BPTF: variants seen among roughly 807,000 people sequenced by gnomAD.
BPTF encodes the protein nucleosome-remodeling factor subunit BPTF.
Under a neutral mutation model 292.5 loss-of-function variants are expected in BPTF, and 18 were observed. That is an observed-to-expected ratio of 0.06 (90% CI 0.04 to 0.09). The LOEUF is 0.09. Among genes scored for constraint, BPTF ranks in the 10% least tolerant of loss-of-function variants. The pLI, the probability that BPTF is intolerant of heterozygous loss-of-function variation, is 1.00. For synonymous variants in BPTF, 1,225 were observed against 1,251.9 expected (o/e 0.98, Z 0.45); for missense variants, 2,726 against 3,498.7 (o/e 0.78, Z 5.57).
intron 23 of BPTF, among the ~76,000 whole-genome samples, chr17:67,949,947 G>C (rs2066157363): frequency 6.6e-6 from 1 of 150,700 alleles, no homozygotes; most frequent in African/African-American, 2.4e-5. Flanking sequence ...CAGCTAGTTA[G>C]GAGTCTGAGG....
At chr17:67,935,999 CAGA>C (rs150644470) in intron 18 of BPTF, among the ~76,000 whole-genome samples, 2,789 of 152,184 alleles carry the variant, frequency 0.018, 93 homozygotes, top group African/African-American at 0.064. Flanking sequence ...GACATATCAA[CAGA>C]AGAAATTTGA....
At chr17:67,937,655 G>C (rs563799808) in intron 18 of BPTF, among the ~76,000 whole-genome samples, 21 of 150,352 alleles carry the variant, frequency 1.4e-4, no homozygotes, top group African/African-American at 5.1e-4. Context: ...ACATTGAAGG[G>C]ATGGGTAGCC....
chr17:67,886,016 T>G, intron 4 of BPTF: 1 of 840,728 alleles, frequency 1.2e-6, no homozygotes, highest in Non-Finnish European at 1.9e-6. Flanking sequence ...TGAACAGATT[T>G]TCTTTTAAAA....
chr17:67,853,446 A>C (rs955394879), intron 1 of BPTF, among the ~76,000 whole-genome samples: 1 of 152,164 alleles, frequency 6.6e-6, no homozygotes, highest in Non-Finnish European at 1.5e-5. Context: ...AGAGGTCTGC[A>C]CTGGGAACTT....
rs535066742 is a variant in BPTF at position 67,845,371 on chromosome 17, CTA to C, written c.614-8567_614-8566del. ...ATTGCAAATGGTGACTTCTCTATTT[CTA>C]TCATTTCTTTGTTAATTATCTGGCA... is the stretch of plus-strand genomic sequence containing the variant. On this transcript the variant is annotated intron_variant, in intron 1 of 27. Coordinates refer to ENST00000306378, the MANE Select transcript of BPTF (RefSeq NM_182641.4). 1.5e-4 allele frequency among the ~76,000 whole-genome samples: 23 copies of C among 152,314 alleles called. 1 individual carries two copies. In the East Asian group the frequency reaches 4.4e-3, roughly 29 times the overall value.
Position 67,912,718 on chromosome 17 carries a change from A to T in BPTF, c.4834A>T (p.Thr1612Ser). Reference sequence around the variant, plus strand: ...CAAGGTAGAAAAAGGCGATAAGCAAACTGTGGTTTCTTCCACAGAAAATTG... The same window carrying T: ...CAAGGTAGAAAAAGGCGATAAGCAATCTGTGGTTTCTTCCACAGAAAATTG... ...VIKVEKGDKQ[T>S]VVSSTENCAK... Residue 1612 changes from threonine to serine, a missense_variant, in exon 11 of 28, where the codon ACT (threonine) becomes TCT (serine). By Grantham distance (58) the Thr-to-Ser change is moderately conservative. This residue lies in a region of BPTF where 144 missense variants were observed against 177.2 expected (regional missense o/e 0.81). Transcript: ENST00000306378. 1 of 1,614,094 alleles carries T rather than the reference A, an allele frequency of 6.2e-7. No individual in the cohort carries two copies. Among genetic ancestry groups the T allele is most frequent in the South Asian group, 1.1e-5 (1 of 91,088 alleles).
intron 3 of BPTF, among the ~76,000 whole-genome samples, chr17:67,870,993 G>A (rs1306690657): frequency 1.3e-5 from 2 of 151,350 alleles, no homozygotes; most frequent in Non-Finnish European, 2.9e-5. Flanking sequence ...GGATGGTCTC[G>A]ATCTCCTGAC....
chr17:67,870,319 T>A (rs2059645777), intron 3 of BPTF, among the ~76,000 whole-genome samples: 1 of 151,486 alleles, frequency 6.6e-6, no homozygotes, highest in Admixed American at 6.6e-5. Flanking sequence ...GGAGGAGGGA[T>A]TCACAAGAAT....
intron 9 of BPTF, 30 bp from the exon 10 acceptor site, chr17:67,909,552 C>T (rs754055733): frequency 7.8e-6 from 11 of 1,417,818 alleles, no homozygotes; most frequent in Middle Eastern, 2.4e-4. Flanking sequence ...CTGGAAATAA[C>T]GTAAATTATC....
At chr17:67,827,419 C>G (rs1567845055) in intron 1 of BPTF, among the ~76,000 whole-genome samples, 1 of 152,126 alleles carries the variant, frequency 6.6e-6, no homozygotes, top group Non-Finnish European at 1.5e-5. Flanking sequence ...ACCCCCGGCC[C>G]CCCGCAAAAG....
At position 67,909,708 on chromosome 17, in the gene BPTF, G is replaced by T; in HGVS notation, c.2939G>T (p.Gly980Val). The T allele has an allele frequency of 6.3e-7, 1 of 1,594,494 alleles. No individual in the cohort carries two copies. The highest frequency in any genetic ancestry group is 1.2e-5 in the South Asian group (1 of 85,240). ...GTAAAAGGTTCAGATGCTGCAAAAG[G>T]AGCAGACCAAAATGAAATGGATATC... The part of the protein sequence containing the change: ...DEVKGSDAAK[G>V]ADQNEMDISK... Residue 980 changes from glycine to valine, a missense_variant, in exon 10 of 28, where the codon GGA becomes GTA. Physicochemically the swap from Gly to Val is moderately radical, Grantham distance 109. Coordinates refer to ENST00000306378, the MANE Select transcript of BPTF (RefSeq NM_182641.4).
At chr17:67,921,441 A>G (rs896076586) in intron 13 of BPTF, among the ~76,000 whole-genome samples, 1 of 151,562 alleles carries the variant, frequency 6.6e-6, no homozygotes, top group Non-Finnish European at 1.5e-5. Context: ...CGGGAGAATC[A>G]CTTATACCCA....
chr17:67,903,313 C>CT (rs1395112789), intron 7 of BPTF, among the ~76,000 whole-genome samples: 1 of 152,184 alleles, frequency 6.6e-6, no homozygotes, highest in Non-Finnish European at 1.5e-5. Context: ...ACAAAGTATT[C>CT]TTTAACAGTG....
At chr17:67,843,675 A>G (rs1163186545) in intron 1 of BPTF, among the ~76,000 whole-genome samples, 3 of 148,648 alleles carry the variant, frequency 2.0e-5, no homozygotes, top group Non-Finnish European at 1.5e-5. Flanking sequence ...CACCTTTACT[A>G]TAGAGCAGTT....
intron 1 of BPTF, among the ~76,000 whole-genome samples, chr17:67,839,761 A>G (rs1262516292): frequency 1.3e-5 from 2 of 152,184 alleles, no homozygotes; most frequent in Admixed American, 6.5e-5. Flanking sequence ...AAACGTTTCC[A>G]TAATGGTTTT....
At chr17:67,949,574 CAA>C (rs546531290) in intron 23 of BPTF, among the ~76,000 whole-genome samples, 2 of 129,308 alleles carry the variant, frequency 1.5e-5, no homozygotes, top group Non-Finnish European at 3.3e-5. Context: ...GACTCCATCT[CAA>C]AAAAAAAAAA....
chr17:67,978,658 C>T (rs1778162384), intron 27 of BPTF, among the ~76,000 whole-genome samples: 1 of 152,112 alleles, frequency 6.6e-6, no homozygotes, highest in African/African-American at 2.4e-5. Context: ...GAGAATTACT[C>T]TGACCCAAGA....
intron 18 of BPTF, among the ~76,000 whole-genome samples, chr17:67,933,199 A>G (rs2064565125): frequency 6.6e-6 from 1 of 151,816 alleles, no homozygotes; most frequent in Non-Finnish European, 1.5e-5. Context: ...CGGAGGTTGC[A>G]GTGAGCCGAG....
chr17:67,857,872 C>G (rs1404552282), intron 2 of BPTF, among the ~76,000 whole-genome samples: 1 of 150,172 alleles, frequency 6.7e-6, no homozygotes. Context: ...ACTGCAACCT[C>G]CATCTCCCAG....
Sources: gnomAD v4.1 joint callset for allele counts (sites outside exome capture counted in the v4.1 genomes callset) on GRCh38, gnomAD v4.1.1 for gene constraint, gnomAD v4.1.1 regional missense constraint, MANE v1.5 for transcripts, NCBI Gene and HGNC (gene_info 2026-07-23, HGNC 2026-07-21) for gene names.